TTLL5: variants seen among roughly 807,000 people sequenced by gnomAD.
The protein encoded by TTLL5 is tubulin tyrosine ligase like 5.
A neutral mutation model predicts 168.4 loss-of-function variants in TTLL5; 132 were observed. That is an observed-to-expected ratio of 0.78 (90% CI 0.68 to 0.91). TTLL5 has a LOEUF of 0.91. Among genes scored for constraint, TTLL5 ranks in the 40% least tolerant of loss-of-function variants. TTLL5 has a pLI of 0.00. For synonymous variants in TTLL5, 546 were observed against 558.6 expected (o/e 0.98, Z 0.32); for missense variants, 1,545 against 1,581.5 (o/e 0.98, Z 0.39).
In TTLL5 at chr14:75,669,408, C is replaced by T. The variant is rs574913177; in HGVS notation, c.75-8C>T. The T allele has an allele frequency of 2.2e-5, 35 of 1,606,168 alleles. No individual in the cohort carries two copies. The highest frequency in any genetic ancestry group is 1.2e-4 in the African/African-American group (9 of 74,696). On this transcript the variant is annotated splice_region_variant and splice_polypyrimidine_tract_variant and intron_variant, in intron 2 of 31. Coordinates refer to ENST00000298832, the MANE Select transcript of TTLL5 (RefSeq NM_015072.5). ...TGTAAATTAATGAAGGCTTTTTTGTCGTTATAGGGATCATCCATGCATCAT... is the reference window on the plus strand; with the variant it reads ...TGTAAATTAATGAAGGCTTTTTTGTTGTTATAGGGATCATCCATGCATCAT...
intron 27 of TTLL5, among the ~76,000 whole-genome samples, chr14:75,804,024 C>T (rs1451764408): frequency 2.0e-5 from 3 of 152,224 alleles, no homozygotes; most frequent in Admixed American, 6.5e-5. Flanking sequence ...ACCACCCAGG[C>T]GGGGGCTCCA....
At chr14:75,871,107 T>C (rs1022016815) in intron 29 of TTLL5, among the ~76,000 whole-genome samples, 1 of 152,202 alleles carries the variant, frequency 6.6e-6, no homozygotes, top group African/African-American at 2.4e-5. Flanking sequence ...TGCTTGCTTT[T>C]TCAATATCAT....
At chr14:75,811,363 T>C (rs1894013785) in intron 27 of TTLL5, among the ~76,000 whole-genome samples, 2 of 152,172 alleles carry the variant, frequency 1.3e-5, no homozygotes, top group African/African-American at 2.4e-5. Context: ...CTATCTTCTA[T>C]GACGCGAAGC....
intron 18 of TTLL5, among the ~76,000 whole-genome samples, chr14:75,755,204 G>C (rs1406430776): frequency 6.6e-6 from 1 of 151,972 alleles, no homozygotes; most frequent in Non-Finnish European, 1.5e-5. Flanking sequence ...GGTGGAGGTT[G>C]CTCTGAGCTA....
rs1279233817 is a variant in TTLL5 at position 75,683,534 on chromosome 14, TTC to T, written c.265-14_265-13del. 6.2e-7 allele frequency: 1 copy of T among 1,602,046 alleles called. No homozygotes were observed. The highest frequency in any genetic ancestry group is 2.2e-5 in the East Asian group (1 of 44,820). The stretch of plus-strand genomic sequence containing the variant: ...CTGATGTTTTTTTGCCTTCTTGTCT[TTC>T]TGTCTGCCCTCAGGTTCACCCAAGC... On this transcript the variant is annotated splice_polypyrimidine_tract_variant and intron_variant, in intron 4 of 31. Coordinates refer to ENST00000298832, the MANE Select transcript of TTLL5 (RefSeq NM_015072.5).
At chr14:75,683,776 C>CTTTTTT in intron 5 of TTLL5, 120 bp downstream of exon 5, 1 of 487,008 alleles carries the variant, frequency 2.1e-6, no homozygotes, top group Non-Finnish European at 3.6e-6. Context: ...AGAAGAAGGA[C>CTTTTTT]TTTTTTTTTT....
At chr14:75,785,025 T>C (rs1383733448) in intron 26 of TTLL5, among the ~76,000 whole-genome samples, 1 of 152,154 alleles carries the variant, frequency 6.6e-6, no homozygotes, top group Non-Finnish European at 1.5e-5. Context: ...ATTTTTTCCC[T>C]ACTTGATGGT....
chr14:75,699,867 T>C (rs1251419830), intron 7 of TTLL5, among the ~76,000 whole-genome samples: 1 of 152,240 alleles, frequency 6.6e-6, no homozygotes, highest in Non-Finnish European at 1.5e-5. Flanking sequence ...AAATCCCTAC[T>C]GGTCTCACTC....
intron 27 of TTLL5, among the ~76,000 whole-genome samples, chr14:75,795,673 A>T (rs1427189896): frequency 2.0e-5 from 3 of 152,098 alleles, no homozygotes; most frequent in Non-Finnish European, 4.4e-5. Flanking sequence ...AGAACATATG[A>T]TGTCTGGTTT....
At chr14:75,847,011 C>G (rs1566629053) in intron 28 of TTLL5, among the ~76,000 whole-genome samples, 2 of 151,552 alleles carry the variant, frequency 1.3e-5, no homozygotes, top group African/African-American at 4.9e-5. Flanking sequence ...TTCTATATTT[C>G]TTTTTTTTGA....
intron 31 of TTLL5, among the ~76,000 whole-genome samples, chr14:75,940,430 C>T (rs542998226): frequency 7.1e-4 from 108 of 152,264 alleles, no homozygotes; most frequent in African/African-American, 2.0e-3. Context: ...AAGAAACTCT[C>T]CTTTTAATAA....
chr14:75,832,631 G>A (rs894792506), intron 28 of TTLL5, among the ~76,000 whole-genome samples: 1 of 152,170 alleles, frequency 6.6e-6, no homozygotes, highest in Non-Finnish European at 1.5e-5. Flanking sequence ...TTTGTAAACT[G>A]TAAAGTATTA....
intron 9 of TTLL5, chr14:75,711,382 G>C: frequency 6.6e-6 from 1 of 152,064 alleles, no homozygotes; most frequent in East Asian, 1.9e-4. Context: ...TCCTGTCAGG[G>C]GTGGACTCCA....
At chr14:75,773,550 A>C in intron 21 of TTLL5, among the ~76,000 whole-genome samples, 1 of 152,200 alleles carries the variant, frequency 6.6e-6, no homozygotes, top group East Asian at 1.9e-4. Context: ...AATATTGAGG[A>C]TCATCACTAC....
intron 28 of TTLL5, among the ~76,000 whole-genome samples, chr14:75,840,844 A>G (rs1252099385): frequency 2.6e-5 from 4 of 152,200 alleles, no homozygotes; most frequent in African/African-American, 9.7e-5. Context: ...GCTATAAAGA[A>G]ATACCTGAGG....
intron 29 of TTLL5, among the ~76,000 whole-genome samples, chr14:75,864,368 A>G (rs904701191): frequency 6.6e-6 from 1 of 152,220 alleles, no homozygotes; most frequent in Non-Finnish European, 1.5e-5. Context: ...GGTCATCTAT[A>G]AATGATAGCT....
Position 75,663,358 on chromosome 14 carries a change from C to G in TTLL5, c.74+135C>G, listed in dbSNP as rs115203581. ...TCTAGTGTCATTCCTTGGGGATTAT[C>G]TAACTCTGGTTTTAGCTTCTATCCA... is the stretch of plus-strand genomic sequence containing the variant. On this transcript the variant is annotated intron_variant, in intron 2 of 31. Coordinates refer to ENST00000298832, the MANE Select transcript of TTLL5 (RefSeq NM_015072.5). 9.7e-4 allele frequency: 857 copies of G among 884,682 alleles called. 3 individuals are homozygous for G. In the African/African-American group the frequency reaches 0.013, roughly 14 times the overall value. The allele number at this position is 884,682 out of a possible 1,614,324, so 54.8% of individuals were successfully genotyped here.
intron 15 of TTLL5, among the ~76,000 whole-genome samples, chr14:75,739,454 T>C (rs756862325): frequency 2.6e-5 from 4 of 152,206 alleles, no homozygotes; most frequent in Non-Finnish European, 4.4e-5. Context: ...TCAAGCTTTC[T>C]TTTTCTGTTG....
chr14:75,681,611 C>T lies in TTLL5; in HGVS notation c.248C>T (p.Ala83Val). The change falls in exon 4 of 32, where the codon GCC (alanine) becomes GTC (valine). Residue 83 changes from alanine (A) to valine (V), a missense_variant. Coordinates refer to ENST00000298832, the MANE Select transcript of TTLL5 (RefSeq NM_015072.5). ...DSRLVRSILT[A>V]HGFHEVHPSS... Reference sequence around the variant, plus strand: ...CGCCTAGTACGCAGCATTCTGACAGCCCATGGATTTCATGAAGTAAGTTTA... The same window carrying T: ...CGCCTAGTACGCAGCATTCTGACAGTCCATGGATTTCATGAAGTAAGTTTA... 1.9e-6 allele frequency: 3 copies of T among 1,613,206 alleles called. No homozygotes were observed. The highest frequency in any genetic ancestry group is 2.5e-6 in the Non-Finnish European group (3 of 1,179,758).
Sources: gnomAD v4.1 joint callset for allele counts (sites outside exome capture counted in the v4.1 genomes callset) on GRCh38, gnomAD v4.1.1 for gene constraint, MANE v1.5 for transcripts, NCBI Gene and HGNC (gene_info 2026-07-23, HGNC 2026-07-21) for gene names.